Variants in VEGFC observed in about 807,000 individuals in gnomAD.
VEGFC encodes the protein vascular endothelial growth factor C.
VEGFC carries 12 observed loss-of-function variants against 46.1 expected under a neutral mutation model. The ratio of observed to expected loss-of-function variants is 0.26; its 90% CI spans 0.17 to 0.42. The LOEUF (loss-of-function observed/expected upper bound fraction) is 0.42, where lower values mean the gene tolerates loss of function less well. VEGFC is among the 10% of genes least tolerant of loss of function. The probability of loss-of-function intolerance (pLI) is 1.00; values close to 1 mark genes in which losing one functional copy is unlikely to be tolerated. For missense variants in VEGFC, 488 were observed against 529.4 expected, an observed-to-expected ratio of 0.92 and a Z score of 0.77; for synonymous variants, 232 against 195.5, an observed-to-expected ratio of 1.19 and a Z score of -1.56.
At chr4:176,687,132 G>T in intron 6 of VEGFC, 55 bp downstream of exon 6, 1 of 1,542,434 alleles carries the variant, frequency 6.5e-7, no homozygotes, top group Non-Finnish European at 8.7e-7. Context: ...ACTGCTTTTG[G>T]TTTAGAGCAT....
intron 1 of VEGFC, among the ~76,000 whole-genome samples, chr4:176,751,418 T>C (rs1348681771): frequency 6.6e-6 from 1 of 152,002 alleles, no homozygotes; most frequent in Non-Finnish European, 1.5e-5. Flanking sequence ...GACAAAGGAT[T>C]AATAGAATGA....
At chr4:176,701,542 C>T (rs1029326248) in intron 4 of VEGFC, among the ~76,000 whole-genome samples, 3 of 152,240 alleles carry the variant, frequency 2.0e-5, no homozygotes, top group African/African-American at 4.8e-5. Flanking sequence ...ACAAGACTGT[C>T]CAAAGGCAGG....
At chr4:176,765,276 GAA>G (rs1056052406) in intron 1 of VEGFC, among the ~76,000 whole-genome samples, 1 of 143,898 alleles carries the variant, frequency 6.9e-6, no homozygotes. Context: ...GAGAAAACTA[GAA>G]AAAAAAAAGC....
intron 4 of VEGFC, among the ~76,000 whole-genome samples, chr4:176,698,914 A>C (rs1010550960): frequency 1.3e-5 from 2 of 152,158 alleles, no homozygotes; most frequent in South Asian, 4.1e-4. Context: ...AATTGAAAAA[A>C]ATTAACTGCA....
chr4:176,733,309 A>G (rs58228603), intron 1 of VEGFC, among the ~76,000 whole-genome samples: 22,767 of 151,920 alleles, frequency 0.15, 2,158 homozygotes, highest in South Asian at 0.27. Context: ...TTTGTATGCA[A>G]TATGTTTATG....
Position 176,781,688 on chromosome 4 carries a change from T to C in VEGFC, c.147+10477A>G, listed in dbSNP as rs146288816. ...ATTTCAGTCTGATTTGCCAAATTCA[T>C]CCACTCTTGGGGCAGGGAGGGACCT... is the stretch of plus-strand genomic sequence containing the variant. On this transcript the variant is annotated intron_variant, in intron 1 of 6. Coordinates refer to ENST00000618562, the MANE Select transcript of VEGFC (RefSeq NM_005429.5). Among the ~76,000 whole-genome samples, 383 of 152,294 alleles carry C rather than the reference T, an allele frequency of 2.5e-3. 3 individuals are homozygous for C. The highest frequency in any genetic ancestry group is 8.6e-3 in the African/African-American group (356 of 41,564).
intron 1 of VEGFC, among the ~76,000 whole-genome samples, chr4:176,768,479 G>T: frequency 2.6e-5 from 1 of 38,456 alleles, no homozygotes; most frequent in South Asian, 2.2e-3. Flanking sequence ...CCAAGTAAGA[G>T]GATGTTTTAT....
intron 1 of VEGFC, among the ~76,000 whole-genome samples, chr4:176,772,465 G>A (rs1735739293): frequency 6.6e-6 from 1 of 152,104 alleles, no homozygotes; most frequent in Non-Finnish European, 1.5e-5. Flanking sequence ...AATCTTTCAG[G>A]TGGGTATACA....
At chr4:176,788,583 T>A (rs1054100409) in intron 1 of VEGFC, among the ~76,000 whole-genome samples, 1 of 152,134 alleles carries the variant, frequency 6.6e-6, no homozygotes, top group Admixed American at 6.5e-5. Flanking sequence ...TACAGTAGAG[T>A]ACCTGTTGTT....
chr4:176,791,561 A>G lies in VEGFC; in HGVS notation c.147+604T>C, dbSNP rs373593905. The stretch of plus-strand genomic sequence containing the variant: ...ATGAAGAGCTTATAAAGTTGAAACA[A>G]GCCTTGCATTGCTTGATTGTGATCT... On this transcript the variant is annotated intron_variant, in intron 1 of 6. Coordinates refer to ENST00000618562, the MANE Select transcript of VEGFC (RefSeq NM_005429.5). Among the ~76,000 whole-genome samples, 4 of 72,414 alleles carry G rather than the reference A, an allele frequency of 5.5e-5. No individual in the cohort carries two copies. In the East Asian group the frequency reaches 4.4e-3, roughly 80 times the overall value. The allele number at this position is 72,414 out of a possible 152,430, so 47.5% of individuals were successfully genotyped here. A position where few individuals can be genotyped will look rare whatever the true frequency, so the allele number is the denominator to read the frequency against.
At chr4:176,710,165 A>G (rs887108062) in intron 4 of VEGFC, among the ~76,000 whole-genome samples, 5 of 152,230 alleles carry the variant, frequency 3.3e-5, no homozygotes, top group African/African-American at 9.6e-5. Context: ...ATAAAATATT[A>G]TAAGTCAAAA....
At chr4:176,698,125 AAAGTAT>A (rs1183777335) in intron 4 of VEGFC, among the ~76,000 whole-genome samples, 1 of 151,250 alleles carries the variant, frequency 6.6e-6, no homozygotes, top group Non-Finnish European at 1.5e-5. Flanking sequence ...CCTAAAACTT[AAAGTAT>A]AATAATAAAA....
chr4:176,760,218 C>T (rs1049695899), intron 1 of VEGFC, among the ~76,000 whole-genome samples: 3 of 152,028 alleles, frequency 2.0e-5, no homozygotes, highest in Non-Finnish European at 2.9e-5. Context: ...GGTGATAGTA[C>T]AGATATATAT....
intron 3 of VEGFC, among the ~76,000 whole-genome samples, chr4:176,712,863 T>G (rs1352512785): frequency 6.6e-6 from 1 of 152,226 alleles, no homozygotes; most frequent in Non-Finnish European, 1.5e-5. Context: ...TATATTCATT[T>G]AAAATGTAAC....
chr4:176,698,643 G>A (rs1012008737), intron 4 of VEGFC, among the ~76,000 whole-genome samples: 1 of 152,054 alleles, frequency 6.6e-6, no homozygotes, highest in African/African-American at 2.4e-5. Flanking sequence ...TAACTATGCT[G>A]TACTATACGT....
intron 6 of VEGFC, among the ~76,000 whole-genome samples, chr4:176,685,334 A>G (rs1017564278): frequency 6.6e-6 from 1 of 152,232 alleles, no homozygotes; most frequent in Non-Finnish European, 1.5e-5. Flanking sequence ...ACCAAAGAAT[A>G]TATACTCTGC....
chr4:176,690,312 TATC>T (rs779417936), intron 4 of VEGFC, among the ~76,000 whole-genome samples: 75 of 150,160 alleles, frequency 5.0e-4, no homozygotes, highest in Non-Finnish European at 9.4e-4. Flanking sequence ...AGAAGTTCTG[TATC>T]ATCAGCAAGT....
rs145916855 is a variant in VEGFC, at chr4:176,731,033, T to C, written c.148-1287A>G. 4.1e-4 allele frequency among the ~76,000 whole-genome samples: 62 copies of C among 152,210 alleles called. No individual in the cohort carries two copies. In the East Asian group the frequency reaches 9.9e-3, roughly 24 times the overall value. On this transcript the variant is annotated intron_variant, in intron 1 of 6. Transcript: ENST00000618562. ...ACTACCATTTATGGTATGATTTGAGTATATCACTTAATCTCTGTAGGTCTA... is the reference window on the plus strand; with the variant it reads ...ACTACCATTTATGGTATGATTTGAGCATATCACTTAATCTCTGTAGGTCTA...
rs548638505 is a variant in VEGFC at position 176,707,276 on chromosome 4, G to C, written c.704+4223C>G. ...TGAAAAATGATTGAACAATTTTAAT[G>C]CCCATTGGTGACATAGGAGTTTTGG... On this transcript the variant is annotated intron_variant, in intron 4 of 6. Coordinates refer to ENST00000618562, the MANE Select transcript of VEGFC (RefSeq NM_005429.5). 2.0e-4 allele frequency among the ~76,000 whole-genome samples: 31 copies of C among 152,292 alleles called. No homozygotes were observed. In the South Asian group the frequency reaches 5.6e-3, roughly 27 times the overall value.
Sources: allele counts gnomAD v4.1 joint callset (sites outside exome capture counted in the v4.1 genomes callset), GRCh38; gene constraint gnomAD v4.1.1; transcripts MANE v1.5; gene names NCBI Gene and HGNC (gene_info 2026-07-23, HGNC 2026-07-21).